Variants in MYT1L observed in about 807,000 individuals in gnomAD.
The protein encoded by MYT1L is myelin transcription factor 1 like, also known as myelin transcription factor 1-like protein.
Under a neutral mutation model 126.7 loss-of-function variants are expected in MYT1L, and 12 were observed. That is an observed-to-expected ratio of 0.09 (90% confidence interval 0.06 to 0.15). The LOEUF is 0.15. Among genes scored for constraint, MYT1L ranks in the 10% least tolerant of loss-of-function variants. The pLI is 1.00. For missense variants in MYT1L, 979 were observed against 1,585.2 expected, an observed-to-expected ratio of 0.62 and a Z score of 6.49; for synonymous variants, 541 against 604.2, an observed-to-expected ratio of 0.90 and a Z score of 1.53.
intron 3 of MYT1L, among the ~76,000 whole-genome samples, chr2:2,066,590 G>A (rs1490970685): frequency 6.6e-6 from 1 of 152,234 alleles, no homozygotes; most frequent in Non-Finnish European, 1.5e-5. Context: ...TTCCAGGAGA[G>A]GCTATGGGGG....
chr2:2,231,302 G>GTCTT (rs1376180766), intron 2 of MYT1L, among the ~76,000 whole-genome samples: 1 of 152,166 alleles, frequency 6.6e-6, no homozygotes, highest in Non-Finnish European at 1.5e-5. Flanking sequence ...CTGTCTGTCT[G>GTCTT]TCATTTGCTA....
intron 9 of MYT1L, among the ~76,000 whole-genome samples, chr2:1,934,061 G>T (rs1036284768): frequency 7.1e-6 from 1 of 141,744 alleles, no homozygotes; most frequent in East Asian, 2.2e-4. Context: ...TGCAAGCTCC[G>T]CCTCCCAGGT....
intron 5 of MYT1L, among the ~76,000 whole-genome samples, chr2:1,993,643 T>C (rs932295392): frequency 2.0e-5 from 3 of 152,212 alleles, no homozygotes; most frequent in Non-Finnish European, 2.9e-5. Context: ...ACTACAAAAA[T>C]AATTTACAAA....
intron 3 of MYT1L, among the ~76,000 whole-genome samples, chr2:2,141,355 G>T (rs115121032): frequency 1.7e-3 from 266 of 152,228 alleles, no homozygotes; most frequent in African/African-American, 6.1e-3. Flanking sequence ...CTGCTTAGGA[G>T]TTCCCGTGGC....
At chr2:2,173,949 T>A (rs553294231) in intron 2 of MYT1L, among the ~76,000 whole-genome samples, 2 of 152,152 alleles carry the variant, frequency 1.3e-5, no homozygotes, top group Admixed American at 6.5e-5. Context: ...CAAGTGGAAC[T>A]TGAAATAAGA....
At chr2:2,236,757 TTTC>T (rs760901038) in intron 2 of MYT1L, among the ~76,000 whole-genome samples, 2,160 of 132,382 alleles carry the variant, frequency 0.016, 26 homozygotes, top group Non-Finnish European at 0.025. Context: ...TTGGTTGTCC[TTTC>T]TTCTTCTTCT....
intron 3 of MYT1L, among the ~76,000 whole-genome samples, chr2:2,144,321 T>C (rs2084532569): frequency 6.6e-6 from 1 of 152,136 alleles, no homozygotes; most frequent in Admixed American, 6.5e-5. Flanking sequence ...GAGAAGCTGC[T>C]GATGGAGGTC....
chr2:2,295,613 G>C (rs12992499), intron 1 of MYT1L, among the ~76,000 whole-genome samples: 113 of 93,510 alleles, frequency 1.2e-3, no homozygotes, highest in African/African-American at 2.0e-3. Context: ...GACAGACAGA[G>C]AGAGAGAGAG....
chr2:2,245,781 T>C (rs9808093), intron 2 of MYT1L, among the ~76,000 whole-genome samples: 33,118 of 152,022 alleles, frequency 0.22, 3,932 homozygotes, highest in Non-Finnish European at 0.27. Context: ...TTAATCATCC[T>C]CCTCCATAAT....
At chr2:2,326,252 A>T (rs1262043158) in intron 1 of MYT1L, 1 of 152,304 alleles carries the variant, frequency 6.6e-6, no homozygotes, top group East Asian at 1.9e-4. Flanking sequence ...AGCACGAGGG[A>T]GCAGCCACTG....
intron 2 of MYT1L, among the ~76,000 whole-genome samples, chr2:2,217,333 G>C (rs2093704869): frequency 6.6e-6 from 1 of 152,054 alleles, no homozygotes; most frequent in Non-Finnish European, 1.5e-5. Context: ...GCTTAATCAA[G>C]GTTAATTTAG....
In MYT1L at chr2:1,923,066, C is replaced by T. The variant is rs1474408731; in HGVS notation, c.703G>A (p.Asp235Asn). Residue 235 changes from aspartate (D) to asparagine (N), a missense_variant, in exon 10 of 25, where the codon GAC becomes AAC. This residue lies in a region of MYT1L where 243 missense variants were observed against 363.9 expected (regional missense o/e 0.67). Transcript: ENST00000647738. ...MNSNTSNSLE[D>N]DSDKNENLGR... is the part of the protein sequence containing the mutation. The stretch of plus-strand genomic sequence containing the variant: ...AGGTTTTCGTTTTTGTCACTATCGT[C>T]TTCCAGACTATTGGAGGTATTGCTG... 3 of 1,613,914 alleles carry T rather than the reference C, an allele frequency of 1.9e-6. No homozygotes were observed. The highest frequency in any genetic ancestry group is 2.5e-6 in the Non-Finnish European group (3 of 1,179,912).
chr2:1,997,938 A>G (rs1430745380), intron 4 of MYT1L, among the ~76,000 whole-genome samples: 1 of 152,172 alleles, frequency 6.6e-6, no homozygotes, highest in Non-Finnish European at 1.5e-5. Flanking sequence ...GAATAAAGAT[A>G]CTGATACTCA....
At chr2:2,140,489 C>CA (rs1160297212) in intron 3 of MYT1L, among the ~76,000 whole-genome samples, 4 of 136,738 alleles carry the variant, frequency 2.9e-5, no homozygotes, top group Admixed American at 8.2e-5. Context: ...GGCTGGAGTG[C>CA]AGTGGCACGA....
At chr2:2,050,317 C>T (rs1212337741) in intron 4 of MYT1L, among the ~76,000 whole-genome samples, 18 of 152,158 alleles carry the variant, frequency 1.2e-4, no homozygotes, top group Non-Finnish European at 4.4e-5. Flanking sequence ...GCTATTTCAG[C>T]AGATTTCTCC....
intron 11 of MYT1L, among the ~76,000 whole-genome samples, chr2:1,914,115 G>A (rs762919279): frequency 3.9e-5 from 6 of 151,980 alleles, no homozygotes; most frequent in African/African-American, 7.2e-5. Context: ...TTAGCCAGCC[G>A]TGGTGGCATG....
chr2:2,036,375 A>G (rs1292845393), intron 4 of MYT1L, among the ~76,000 whole-genome samples: 2 of 62,588 alleles, frequency 3.2e-5, no homozygotes, highest in East Asian at 1.0e-3. Context: ...GCGGGTGCAG[A>G]AGAGAGCTCC....
At chr2:1,830,807 G>A (rs780735796) in intron 21 of MYT1L, among the ~76,000 whole-genome samples, 3 of 117,010 alleles carry the variant, frequency 2.6e-5, no homozygotes, top group Admixed American at 1.5e-4. Flanking sequence ...GTGCCTTCTC[G>A]CTCTGTCCTC....
At chr2:2,052,189 T>C (rs1355432374) in intron 4 of MYT1L, among the ~76,000 whole-genome samples, 3 of 152,206 alleles carry the variant, frequency 2.0e-5, no homozygotes, top group Non-Finnish European at 2.9e-5. Flanking sequence ...TAACCATTTA[T>C]TGGAGCAAGG....
Sources: gnomAD v4.1 joint callset for allele counts (sites outside exome capture counted in the v4.1 genomes callset) on GRCh38, gnomAD v4.1.1 for gene constraint, gnomAD v4.1.1 regional missense constraint, MANE v1.5 for transcripts, NCBI Gene and HGNC (gene_info 2026-07-23, HGNC 2026-07-21) for gene names.